The following TRAPPC9 variants were observed in gnomAD, a reference collection of about 807,000 sequenced individuals.
TRAPPC9 encodes the protein trafficking protein particle complex subunit 9, also known as IKK2 binding protein.
Under a neutral mutation model 124.0 loss-of-function variants are expected in TRAPPC9, and 83 were observed. The observed-to-expected ratio is 0.67, with a 90% CI of 0.56 to 0.80. The LOEUF is 0.80. Ranked by LOEUF, TRAPPC9 falls within the 30% of genes least tolerant of loss-of-function variation. TRAPPC9 has a pLI of 0.00. For synonymous variants in TRAPPC9, 638 were observed against 617.5 expected, an observed-to-expected ratio of 1.03 and a Z score of -0.49; for missense variants, 1,302 against 1,508.3, an observed-to-expected ratio of 0.86 and a Z score of 2.27.
At chr8:139,790,964 T>C (rs1822618828) in intron 21 of TRAPPC9, among the ~76,000 whole-genome samples, 1 of 152,134 alleles carries the variant, frequency 6.6e-6, no homozygotes, top group South Asian at 2.1e-4. Flanking sequence ...CCGCTCTACC[T>C]TCTGCCATGA....
chr8:139,750,600 G>T (rs1819247216), intron 21 of TRAPPC9, among the ~76,000 whole-genome samples: 1 of 152,132 alleles, frequency 6.6e-6, no homozygotes, highest in Non-Finnish European at 1.5e-5. Context: ...GGACTTGCTG[G>T]GACCCCCAAA....
chr8:140,317,993 AT>A (rs1168207626), intron 9 of TRAPPC9, among the ~76,000 whole-genome samples: 1 of 152,232 alleles, frequency 6.6e-6, no homozygotes, highest in African/African-American at 2.4e-5. Flanking sequence ...ATAATTATTA[AT>A]GTTTTAAGTA....
chr8:140,313,494 G>A (rs1019385731), intron 9 of TRAPPC9, among the ~76,000 whole-genome samples: 2 of 152,202 alleles, frequency 1.3e-5, no homozygotes, highest in Non-Finnish European at 2.9e-5. Flanking sequence ...TGGTCTGGCT[G>A]TGCCATTTCA....
At chr8:140,423,579 TACACACACAC>T (rs35333495) in intron 5 of TRAPPC9, among the ~76,000 whole-genome samples, 17 of 145,440 alleles carry the variant, frequency 1.2e-4, no homozygotes, top group African/African-American at 3.4e-4. Context: ...AAATGTGGCA[TACACACACAC>T]ACACACACAC....
intron 21 of TRAPPC9, among the ~76,000 whole-genome samples, chr8:139,763,649 G>A (rs1820386019): frequency 6.6e-6 from 1 of 152,172 alleles, no homozygotes; most frequent in Admixed American, 6.5e-5. Context: ...TGTGCACACA[G>A]GCACATGCAC....
At chr8:139,745,789 C>G (rs1170137170) in intron 21 of TRAPPC9, among the ~76,000 whole-genome samples, 1 of 152,264 alleles carries the variant, frequency 6.6e-6, no homozygotes, top group Non-Finnish European at 1.5e-5. Context: ...CGCCTTGCTA[C>G]TATGTGCCTT....
At chr8:140,269,966 G>A (rs1383793397) in intron 15 of TRAPPC9, among the ~76,000 whole-genome samples, 1 of 152,156 alleles carries the variant, frequency 6.6e-6, no homozygotes, top group South Asian at 2.1e-4. Flanking sequence ...CAGGCATGGT[G>A]GCAGGCACCT....
intron 21 of TRAPPC9, among the ~76,000 whole-genome samples, chr8:139,857,859 G>A (rs544304100): frequency 6.6e-6 from 1 of 152,374 alleles, no homozygotes; most frequent in African/African-American, 2.4e-5. Context: ...GCTGCCTTCA[G>A]CTGTTATTGA....
At chr8:140,173,813 C>A (rs2062012181) in intron 17 of TRAPPC9, among the ~76,000 whole-genome samples, 1 of 152,164 alleles carries the variant, frequency 6.6e-6, no homozygotes, top group Admixed American at 6.5e-5. Flanking sequence ...TCAGAGACAG[C>A]AAAATATGTC....
intron 18 of TRAPPC9, among the ~76,000 whole-genome samples, chr8:140,017,951 C>A (rs1839575094): frequency 6.6e-6 from 1 of 152,170 alleles, no homozygotes; most frequent in Admixed American, 6.5e-5. Flanking sequence ...TCAGGTGATT[C>A]TCCTGCCTCA....
At chr8:140,440,758 C>G (rs72692391) in intron 2 of TRAPPC9, among the ~76,000 whole-genome samples, 1 of 152,098 alleles carries the variant, frequency 6.6e-6, no homozygotes, top group Admixed American at 6.6e-5. Flanking sequence ...GCCCCTCCCA[C>G]GGCTCTGGCT....
In TRAPPC9 at chr8:140,407,426, G is replaced by C. The variant is rs560762793; in HGVS notation, c.887-1728C>G. On this transcript the variant is annotated intron_variant, in intron 5 of 22. Coordinates refer to ENST00000438773, the MANE Select transcript of TRAPPC9 (RefSeq NM_001160372.4). ...TTTTTTCCCTTGGAGAAATGGTGGGGGGGGGCGGGTCAGAATGAGGTGGGT... is the reference window on the plus strand; with the variant it reads ...TTTTTTCCCTTGGAGAAATGGTGGGCGGGGGCGGGTCAGAATGAGGTGGGT... Among the ~76,000 whole-genome samples, 7 of 151,972 alleles carry C rather than the reference G, an allele frequency of 4.6e-5. No individual in the cohort carries two copies. The East Asian group carries it at 9.7e-4, about 21-fold the overall frequency.
chr8:140,029,325 C>T (rs1259131827), intron 17 of TRAPPC9, among the ~76,000 whole-genome samples: 3 of 152,178 alleles, frequency 2.0e-5, no homozygotes, highest in Non-Finnish European at 2.9e-5. Flanking sequence ...GCCAACATGG[C>T]GAAAGCCCAA....
At chr8:140,318,740 T>C (rs1167103515) in intron 9 of TRAPPC9, among the ~76,000 whole-genome samples, 1 of 152,270 alleles carries the variant, frequency 6.6e-6, no homozygotes, top group Non-Finnish European at 1.5e-5. Context: ...TATTCCATTG[T>C]GTGTACATAC....
At chr8:140,211,998 G>A (rs1042761085) in intron 17 of TRAPPC9, among the ~76,000 whole-genome samples, 5 of 152,366 alleles carry the variant, frequency 3.3e-5, no homozygotes, top group African/African-American at 4.8e-5. Context: ...TGCCACTTGC[G>A]GAGGAAGGCT....
chr8:140,135,640 G>A (rs527447114), intron 17 of TRAPPC9, among the ~76,000 whole-genome samples: 9 of 152,206 alleles, frequency 5.9e-5, no homozygotes, highest in Admixed American at 1.3e-4. Flanking sequence ...GAGTATGGAA[G>A]AACGAGGAAT....
At chr8:140,397,957 C>T (rs533377805) in intron 6 of TRAPPC9, among the ~76,000 whole-genome samples, 2 of 152,268 alleles carry the variant, frequency 1.3e-5, no homozygotes, top group Admixed American at 1.3e-4. Context: ...TAGGAGGGAC[C>T]TGGTGGGAGA....
At chr8:140,448,912 C>T (rs2071360058) in intron 2 of TRAPPC9, among the ~76,000 whole-genome samples, 1 of 146,962 alleles carries the variant, frequency 6.8e-6, no homozygotes, top group South Asian at 2.2e-4. Context: ...CTCAGCCCCA[C>T]ATCAGCCAGC....
intron 21 of TRAPPC9, among the ~76,000 whole-genome samples, chr8:139,812,792 T>C (rs1177134121): frequency 6.6e-6 from 1 of 152,156 alleles, no homozygotes. Context: ...TTGGAAGAGC[T>C]TTGCCTTCCA....
Sources: gnomAD v4.1 joint callset for allele counts (sites outside exome capture counted in the v4.1 genomes callset) on GRCh38, gnomAD v4.1.1 for gene constraint, MANE v1.5 for transcripts, NCBI Gene and HGNC (gene_info 2026-07-23, HGNC 2026-07-21) for gene names.